The following ZFHX4 variants were observed in gnomAD, a reference collection of about 807,000 sequenced individuals.
ZFHX4 encodes zinc finger homeobox protein 4.
Under a neutral mutation model 267.6 loss-of-function variants are expected in ZFHX4, and 56 were observed. That is an observed-to-expected ratio of 0.21 (90% CI 0.17 to 0.26). ZFHX4 has a LOEUF of 0.26. ZFHX4 is among the 10% of genes least tolerant of loss of function. The pLI is 1.00. For missense variants in ZFHX4, 4,332 were observed against 4,420.0 expected, an observed-to-expected ratio of 0.98 and a Z score of 0.56; for synonymous variants, 1,778 against 1,665.6, an observed-to-expected ratio of 1.07 and a Z score of -1.64.
At position 76,864,671 on chromosome 8, in the gene ZFHX4, T is replaced by C; in HGVS notation, c.*106T>C. The stretch of plus-strand genomic sequence containing the variant: ...AGCTTCTCTAACCCAAAAATTACAG[T>C]ACCAAATGATTGACTCAGGATTGTT... On this transcript the variant is annotated 3_prime_UTR_variant, in exon 11 of 11. Transcript: ENST00000651372. 1 of 752,374 alleles carries C rather than the reference T, an allele frequency of 1.3e-6. No homozygotes were observed. Among genetic ancestry groups the C allele is most frequent in the Non-Finnish European group, 2.1e-6 (1 of 486,660 alleles). The allele number at this position is 752,374 out of a possible 1,614,324, so 46.6% of individuals were successfully genotyped here. A position where few individuals can be genotyped will look rare whatever the true frequency, so the allele number is the denominator to read the frequency against.
rs962115381 is a variant in ZFHX4 at position 76,753,629 on chromosome 8, CTTTTTTTTTTT to C, written c.3094-24567_3094-24557del. 6.6e-3 allele frequency among the ~76,000 whole-genome samples: 776 copies of C among 117,414 alleles called. 12 individuals carry two copies. The highest frequency in any genetic ancestry group is 0.023 in the African/African-American group (725 of 30,852). The allele number at this position is 117,414 out of a possible 152,430, so 77.0% of individuals were successfully genotyped here. A position where few individuals can be genotyped will look rare whatever the true frequency, so the allele number is the denominator to read the frequency against. ...CACAGTCACTTCATTCGTCTTAGGC[CTTTTTTTTTTT>C]TTTTTTTTTTTGGAGACAGGGTCTC... is the stretch of plus-strand genomic sequence containing the variant. On this transcript the variant is annotated intron_variant, in intron 3 of 10. Transcript: ENST00000651372.
chr8:76,763,534 G>C (rs1212388447), intron 3 of ZFHX4, among the ~76,000 whole-genome samples: 1 of 152,022 alleles, frequency 6.6e-6, no homozygotes, highest in Non-Finnish European at 1.5e-5. Flanking sequence ...GAGGTGGGAG[G>C]ATCACTTGAG....
intron 5 of ZFHX4, chr8:76,834,128 A>T (rs1473498732): frequency 2.2e-6 from 1 of 452,180 alleles, no homozygotes; most frequent in African/African-American, 2.0e-5. Flanking sequence ...CAGCTTATTT[A>T]TCCACCTACT....
intron 3 of ZFHX4, among the ~76,000 whole-genome samples, chr8:76,711,083 G>A (rs1808410143): frequency 6.6e-6 from 1 of 152,054 alleles, no homozygotes. Context: ...GAACCCAGAG[G>A]CAGAATGTGT....
At chr8:76,730,815 T>C (rs1007088709) in intron 3 of ZFHX4, among the ~76,000 whole-genome samples, 8 of 152,172 alleles carry the variant, frequency 5.3e-5, no homozygotes, top group African/African-American at 1.7e-4. Context: ...AAAGAACTAA[T>C]AAGACATCTA....
intron 3 of ZFHX4, among the ~76,000 whole-genome samples, chr8:76,716,931 C>G (rs971479060): frequency 6.6e-6 from 1 of 152,088 alleles, no homozygotes; most frequent in Non-Finnish European, 1.5e-5. Flanking sequence ...AGTTAAGCAC[C>G]TTTGGAAGCT....
intron 3 of ZFHX4, among the ~76,000 whole-genome samples, chr8:76,747,197 A>G (rs1809481309): frequency 6.6e-6 from 1 of 152,148 alleles, no homozygotes; most frequent in South Asian, 2.1e-4. Flanking sequence ...CTCAAGAGAT[A>G]TTTGCACAAA....
chr8:76,849,084 A>G lies in ZFHX4; in HGVS notation c.3601A>G (p.Lys1201Glu), dbSNP rs962264983. 1.3e-6 allele frequency: 2 copies of G among 1,568,530 alleles called. No individual in the cohort carries two copies. The highest frequency in any genetic ancestry group is 1.7e-6 in the Non-Finnish European group (2 of 1,156,214). ...LLAKEEDVAT[K>E]RSKPTEDNKF... ...GGCAAAAGAAGAGGATGTTGCAACA[A>G]AAAGGTCAAAACCTACAGAGGACAA... Residue 1201 changes from lysine to glutamate, a missense_variant, in exon 7 of 11, where the codon AAA (lysine) becomes GAA (glutamate). By Grantham distance (56) the Lys-to-Glu change is moderately conservative. Transcript: ENST00000651372.
At chr8:76,753,084 G>T (rs112673536) in intron 3 of ZFHX4, among the ~76,000 whole-genome samples, 2 of 152,136 alleles carry the variant, frequency 1.3e-5, no homozygotes, top group Non-Finnish European at 2.9e-5. Flanking sequence ...CAATAAAAAT[G>T]ATATTAGTAT....
rs1812693919 is a variant in ZFHX4 at position 76,855,539 on chromosome 8, T to A, written c.8618T>A (p.Ile2873Asn). The A allele has an allele frequency of 6.2e-7, 1 of 1,613,792 alleles. No homozygotes were observed. The highest frequency in any genetic ancestry group is 8.5e-7 in the Non-Finnish European group (1 of 1,179,848). Residue 2873 changes from isoleucine to asparagine, a missense_variant, in exon 10 of 11, where the codon ATC becomes AAC. By Grantham distance (149) the Ile-to-Asn change is moderately radical. Transcript: ENST00000651372. ...CTCTTTTCTCTCACAAGCCCATCCA[T>A]CCATTTCAATGACAAAGATGGCGAC... ...KFLFSLTSPSIHFNDKDGDHD... is the reference protein window; with the variant it reads ...KFLFSLTSPSNHFNDKDGDHD...
intron 3 of ZFHX4, among the ~76,000 whole-genome samples, chr8:76,769,133 A>T (rs894316630): frequency 6.6e-6 from 1 of 152,062 alleles, no homozygotes; most frequent in African/African-American, 2.4e-5. Context: ...TTTTTACTGA[A>T]GCTAAAAGAA....
rs74657832 is a variant in ZFHX4, at chr8:76,691,909, A to T, written c.-47+10289A>T. Among the ~76,000 whole-genome samples the T allele has an allele frequency of 9.0e-3, 1,366 of 152,222 alleles. 19 individuals are homozygous for T. The highest frequency in any genetic ancestry group is 0.031 in the African/African-American group (1,283 of 41,542). On this transcript the variant is annotated intron_variant, in intron 1 of 10. Transcript: ENST00000651372. ...AAAGCAAGTCTACACAGATATTTTG[A>T]GTAGAGTTTCCCCTCTCTCCTACAA...
chr8:76,820,226 A>G (rs1811612662), intron 4 of ZFHX4, among the ~76,000 whole-genome samples: 1 of 152,220 alleles, frequency 6.6e-6, no homozygotes, highest in South Asian at 2.1e-4. Context: ...CAATTTCTTT[A>G]CCACCAATAT....
chr8:76,837,013 G>A (rs185339320), intron 5 of ZFHX4, among the ~76,000 whole-genome samples: 91 of 152,200 alleles, frequency 6.0e-4, no homozygotes, highest in Middle Eastern at 6.8e-3. Flanking sequence ...TAAAGTTGGG[G>A]AAATGGAGTA....
At chr8:76,689,025 A>T (rs1162702659) in intron 1 of ZFHX4, among the ~76,000 whole-genome samples, 1 of 152,078 alleles carries the variant, frequency 6.6e-6, no homozygotes, top group Non-Finnish European at 1.5e-5. Flanking sequence ...AAACTGTTTG[A>T]TCTATGTTAT....
At position 76,706,360 on chromosome 8, in the gene ZFHX4, C is replaced by G; in HGVS notation, c.2272C>G (p.Pro758Ala). The G allele has an allele frequency of 6.2e-7, 1 of 1,614,074 alleles. No homozygotes were observed. The highest frequency in any genetic ancestry group is 8.5e-7 in the Non-Finnish European group (1 of 1,179,944). Reference protein sequence around the residue: ...TSLSGCGTPSPSKPKQKPTWR... With the variant: ...TSLSGCGTPSASKPKQKPTWR... ...CCTCAGTGGCTGCGGAACACCCTCTCCGTCCAAACCCAAACAGAAACCCAC... is the reference window on the plus strand; with the variant it reads ...CCTCAGTGGCTGCGGAACACCCTCTGCGTCCAAACCCAAACAGAAACCCAC... The change falls in exon 2 of 11, where the codon CCG becomes GCG. Residue 758 changes from proline (P) to alanine (A), a missense_variant. Pro to Ala is a conservative substitution (Grantham distance 27, BLOSUM62 -1). Coordinates refer to ENST00000651372, the MANE Select transcript of ZFHX4 (RefSeq NM_024721.5).
At chr8:76,684,994 G>T (rs1245175198) in intron 1 of ZFHX4, among the ~76,000 whole-genome samples, 2 of 152,162 alleles carry the variant, frequency 1.3e-5, no homozygotes, top group Non-Finnish European at 2.9e-5. Flanking sequence ...AGGTGGTTTT[G>T]TTGATTGCAA....
intron 3 of ZFHX4, among the ~76,000 whole-genome samples, chr8:76,723,609 G>T (rs1426067676): frequency 6.6e-6 from 1 of 150,570 alleles, no homozygotes; most frequent in African/African-American, 2.4e-5. Flanking sequence ...TTCATTGAGA[G>T]CCCACTCTCC....
chr8:76,695,899 C>T (rs1288569224), intron 1 of ZFHX4, among the ~76,000 whole-genome samples: 3 of 152,148 alleles, frequency 2.0e-5, no homozygotes, highest in African/African-American at 7.2e-5. Flanking sequence ...TGTCTGTTTG[C>T]ACTTAATGCT....
Sources: gnomAD v4.1 joint callset for allele counts (sites outside exome capture counted in the v4.1 genomes callset) on GRCh38, gnomAD v4.1.1 for gene constraint, MANE v1.5 for transcripts, NCBI Gene and HGNC (gene_info 2026-07-23, HGNC 2026-07-21) for gene names.